The following PCDH15 variants were observed in gnomAD, a reference collection of about 807,000 sequenced individuals.
PCDH15 encodes protocadherin related 15.
PCDH15 carries 129 observed loss-of-function variants against 178.5 expected under a neutral mutation model. The ratio of observed to expected loss-of-function variants is 0.72; its 90% CI spans 0.63 to 0.84. The LOEUF (loss-of-function observed/expected upper bound fraction) is 0.84. Among genes scored for constraint, PCDH15 ranks in the 40% least tolerant of loss-of-function variants. The probability of loss-of-function intolerance (pLI) is 0.00; values close to 1 mark genes in which losing one functional copy is unlikely to be tolerated. For synonymous variants in PCDH15, 800 were observed against 732.0 expected, an observed-to-expected ratio of 1.09 and a Z score of -1.50; for missense variants, 2,230 against 2,099.9, an observed-to-expected ratio of 1.06 and a Z score of -1.21.
At chr10:54,559,213 TTAC>T (rs2087725938) in intron 2 of PCDH15, among the ~76,000 whole-genome samples, 1 of 152,076 alleles carries the variant, frequency 6.6e-6, no homozygotes, top group African/African-American at 2.4e-5. Flanking sequence ...AGGATAGAGC[TTAC>T]TACAACACCT....
intron 2 of PCDH15, among the ~76,000 whole-genome samples, chr10:55,450,955 CTATATATA>C (rs56986885): frequency 0.34 from 41,512 of 122,294 alleles, 6,907 homozygotes; most frequent in East Asian, 0.55. Context: ...GGGGTAAGAA[CTATATATA>C]TATATATATA....
chr10:54,974,855 T>C (rs939916585), intron 2 of PCDH15, among the ~76,000 whole-genome samples: 1 of 152,214 alleles, frequency 6.6e-6, no homozygotes, highest in African/African-American at 2.4e-5. Flanking sequence ...AACTTTTTCA[T>C]GCATATTTAT....
intron 2 of PCDH15, among the ~76,000 whole-genome samples, chr10:54,953,238 G>A (rs1444009272): frequency 6.6e-6 from 1 of 151,286 alleles, no homozygotes; most frequent in Admixed American, 6.6e-5. Context: ...ACCAACTGGT[G>A]CATTTTGTCA....
At chr10:54,553,912 T>C (rs1238638619) in intron 2 of PCDH15, among the ~76,000 whole-genome samples, 1 of 152,222 alleles carries the variant, frequency 6.6e-6, no homozygotes, top group African/African-American at 2.4e-5. Context: ...ACACTAAGTG[T>C]ATGCCTTCTG....
intron 18 of PCDH15, among the ~76,000 whole-genome samples, chr10:54,052,318 G>A (rs567689338): frequency 2.0e-5 from 3 of 152,126 alleles, no homozygotes; most frequent in South Asian, 2.1e-4. Flanking sequence ...GCAGTTAGGA[G>A]GGGGGCTGTA....
chr10:54,296,806 C>T (rs185318461), intron 8 of PCDH15, among the ~76,000 whole-genome samples: 1 of 152,324 alleles, frequency 6.6e-6, no homozygotes, highest in East Asian at 1.9e-4. Flanking sequence ...AAAGGCATCA[C>T]TCTTCCAACC....
Position 54,169,169 on chromosome 10 carries a change from C to T in PCDH15, c.1590+14275G>A, listed in dbSNP as rs1351211639. Among the ~76,000 whole-genome samples, 3 of 146,540 alleles carry T rather than the reference C, an allele frequency of 2.0e-5. No homozygotes were observed. The Admixed American group carries it at 2.1e-4, about 10-fold the overall frequency. On this transcript the variant is annotated intron_variant, in intron 13 of 37. Transcript: ENST00000644397. ...GCAGCCACTCCCAGAGCCCCTGGAA[C>T]TCTGGCCCAAGGCTGACTGACTCCT...
chr10:54,878,210 G>A (rs1192763694), intron 3 of PCDH15, among the ~76,000 whole-genome samples: 2 of 151,934 alleles, frequency 1.3e-5, no homozygotes, highest in Admixed American at 6.6e-5. Context: ...TGATCCACCT[G>A]CCTCGCCCTC....
chr10:54,865,465 G>T (rs528397798), intron 3 of PCDH15, among the ~76,000 whole-genome samples: 27 of 152,202 alleles, frequency 1.8e-4, no homozygotes, highest in African/African-American at 6.5e-4. Flanking sequence ...TAGCTTCCTT[G>T]CTCCTCAGCT....
At chr10:53,825,121 A>G in intron 32 of PCDH15, 2 of 1,539,042 alleles carry the variant, frequency 1.3e-6, no homozygotes, top group South Asian at 2.4e-5. Context: ...TATTAGAGTG[A>G]TATTATTTAC....
chr10:53,946,966 T>G (rs2086627533), intron 23 of PCDH15, among the ~76,000 whole-genome samples: 1 of 152,142 alleles, frequency 6.6e-6, no homozygotes, highest in East Asian at 1.9e-4. Flanking sequence ...TTAGTAGAGA[T>G]GAGGTTTCAC....
At chr10:54,671,684 T>C (rs1425892392) in intron 1 of PCDH15, among the ~76,000 whole-genome samples, 1 of 152,218 alleles carries the variant, frequency 6.6e-6, no homozygotes, top group Non-Finnish European at 1.5e-5. Flanking sequence ...TGATTCTGGA[T>C]AATGCACTTT....
chr10:54,023,094 A>G lies in PCDH15; in HGVS notation c.2324T>C (p.Val775Ala). ...GTCCCTGACTTCTCTGTTAAGCTTC[A>G]CTGCTGTGTAAATGCTCCCATTGGA... ...ITSNGSIYTA[V>A]KLNREVRDYY... The change falls in exon 19 of 38, where the codon GTG becomes GCG. Residue 775 changes from valine to alanine, a missense_variant. Coordinates refer to ENST00000644397, the MANE Select transcript of PCDH15 (RefSeq NM_001384140.1). 4 of 1,613,992 alleles carry G rather than the reference A, an allele frequency of 2.5e-6. No homozygotes were observed. The highest frequency in any genetic ancestry group is 2.2e-5 in the South Asian group (2 of 91,078).
At chr10:54,378,328 C>A (rs936310163) in intron 4 of PCDH15, among the ~76,000 whole-genome samples, 1 of 151,158 alleles carries the variant, frequency 6.6e-6, no homozygotes, top group African/African-American at 2.4e-5. Context: ...TTCTTTTTTG[C>A]AACTATGTAA....
intron 5 of PCDH15, among the ~76,000 whole-genome samples, chr10:54,347,083 G>T (rs373700620): frequency 6.6e-6 from 1 of 152,266 alleles, no homozygotes. Flanking sequence ...TAAAACATCA[G>T]AACTTAATAT....
At chr10:55,423,307 AAGT>A (rs1565123720) in intron 2 of PCDH15, among the ~76,000 whole-genome samples, 3 of 152,042 alleles carry the variant, frequency 2.0e-5, no homozygotes, top group Non-Finnish European at 4.4e-5. Flanking sequence ...GAATTCCTCG[AAGT>A]AGGATGCACT....
intron 2 of PCDH15, among the ~76,000 whole-genome samples, chr10:54,960,795 A>G (rs141300080): frequency 7.4e-4 from 112 of 152,320 alleles, no homozygotes; most frequent in African/African-American, 2.5e-3. Context: ...AATTTAAAAG[A>G]TACATTGAGC....
intron 13 of PCDH15, among the ~76,000 whole-genome samples, chr10:54,176,913 C>A (rs548961321): frequency 7.0e-4 from 107 of 151,804 alleles, no homozygotes; most frequent in African/African-American, 2.5e-3. Flanking sequence ...AGCAATCCCA[C>A]TCCTTGGTAT....
intron 2 of PCDH15, among the ~76,000 whole-genome samples, chr10:55,588,645 T>C (rs1842773781): frequency 6.6e-6 from 1 of 151,852 alleles, no homozygotes; most frequent in Non-Finnish European, 1.5e-5. Context: ...ATAAAACCTC[T>C]AGTATTACCA....
Sources: gnomAD v4.1 joint callset for allele counts (sites outside exome capture counted in the v4.1 genomes callset) on GRCh38, gnomAD v4.1.1 for gene constraint, MANE v1.5 for transcripts, NCBI Gene and HGNC (gene_info 2026-07-23, HGNC 2026-07-21) for gene names.